LRP2: variants seen among roughly 807,000 people sequenced by gnomAD.
LRP2 encodes the protein LDL receptor related protein 2, also known as low-density lipoprotein receptor-related protein 2.
In LRP2, 172 loss-of-function variants were observed where a neutral mutation model predicts 531.0. The ratio of observed to expected loss-of-function variants is 0.32; its 90% CI spans 0.29 to 0.37. The LOEUF (loss-of-function observed/expected upper bound fraction) is 0.37, where lower values mean the gene tolerates loss of function less well. Among genes scored for constraint, LRP2 ranks in the 10% least tolerant of loss-of-function variants. LRP2 has a pLI of 1.00. For synonymous variants in LRP2, 1,992 were observed against 2,027.6 expected, an observed-to-expected ratio of 0.98 and a Z score of 0.47; for missense variants, 5,167 against 5,868.3, an observed-to-expected ratio of 0.88 and a Z score of 3.90.
chr2:169,150,719 G>A (rs900390171), intron 68 of LRP2, among the ~76,000 whole-genome samples, 179 bp downstream of exon 68: 1 of 152,166 alleles, frequency 6.6e-6, no homozygotes, highest in Non-Finnish European at 1.5e-5. Context: ...ATCAGAAATG[G>A]TTGGTTCTAT....
chr2:169,230,853 A>C (rs147830102), intron 31 of LRP2, among the ~76,000 whole-genome samples: 77 of 152,338 alleles, frequency 5.1e-4, no homozygotes, highest in African/African-American at 1.7e-3. Context: ...GGATGAGATA[A>C]ATATTAAATT....
At chr2:169,304,651 C>T (rs1241867591) in intron 4 of LRP2, among the ~76,000 whole-genome samples, 2 of 152,142 alleles carry the variant, frequency 1.3e-5, no homozygotes, top group Non-Finnish European at 2.9e-5. Context: ...CACACGCTAC[C>T]ATCTCTAAAC....
chr2:169,284,352 C>T (rs139562871), intron 9 of LRP2, among the ~76,000 whole-genome samples: 1 of 147,276 alleles, frequency 6.8e-6, no homozygotes, highest in Non-Finnish European at 1.5e-5. Flanking sequence ...GCAACCTCCG[C>T]CTCCCGGGTT....
intron 52 of LRP2, among the ~76,000 whole-genome samples, chr2:169,181,025 A>T (rs1409140958): frequency 6.6e-6 from 1 of 152,248 alleles, no homozygotes; most frequent in Non-Finnish European, 1.5e-5. Context: ...AATGTGCCAA[A>T]GTATTTTAGG....
intron 1 of LRP2, among the ~76,000 whole-genome samples, chr2:169,360,349 GT>G (rs1451357011): frequency 1.8e-4 from 27 of 152,068 alleles, no homozygotes; most frequent in Non-Finnish European, 3.5e-4. Context: ...GATTAATTGA[GT>G]CAATAAGTAT....
intron 38 of LRP2, among the ~76,000 whole-genome samples, chr2:169,209,239 G>T (rs1022555598): frequency 1.4e-4 from 21 of 152,246 alleles, no homozygotes; most frequent in African/African-American, 4.8e-4. Context: ...AGAAGAAAAT[G>T]ATAAGGATTA....
At chr2:169,338,360 G>GAAAGAAAGAAAGAA (rs1685468073) in intron 1 of LRP2, among the ~76,000 whole-genome samples, 3 of 18,984 alleles carry the variant, frequency 1.6e-4, no homozygotes, top group African/African-American at 8.0e-4. Context: ...AAGAAAGAAG[G>GAAAGAAAGAAAGAA]AAAGAAAGAA....
At chr2:169,257,275 G>A in intron 17 of LRP2, 26 bp from the exon 18 acceptor site, 2 of 1,610,316 alleles carry the variant, frequency 1.2e-6, no homozygotes, top group Non-Finnish European at 1.7e-6. Context: ...GTAAATTAAG[G>A]CTGTTAACAC....
At position 169,182,177 on chromosome 2, in the gene LRP2, G is replaced by A. The variant is rs1559000550; in HGVS notation, c.9988C>T (p.Pro3330Ser). 1.2e-6 allele frequency: 2 copies of A among 1,614,112 alleles called. No individual in the cohort carries two copies. The highest frequency in any genetic ancestry group is 1.7e-5 in the Admixed American group (1 of 60,024). Reference protein sequence around the residue: ...FDNPRGLALHPQYGYLYWADW... With the variant: ...FDNPRGLALHSQYGYLYWADW... ...GCAGGGAGACAATACCCATATTGAG[G>A]GTGAAGGGCAAGTCCTCTGGGATTA... The change falls in exon 51 of 79, where the codon CCT becomes TCT. Residue 3330 changes from proline to serine, a missense_variant. Physicochemically the swap from Pro to Ser is moderately conservative, Grantham distance 74. This residue lies in a region of LRP2 where 1,129 missense variants were observed against 1,362.7 expected (regional missense o/e 0.83). Transcript: ENST00000649046.
intron 41 of LRP2, among the ~76,000 whole-genome samples, chr2:169,204,733 GA>G (rs777564556): frequency 3.0e-4 from 46 of 152,260 alleles, no homozygotes; most frequent in Non-Finnish European, 4.1e-4. Context: ...GGAGAATAAA[GA>G]AAAGATCAGG....
chr2:169,277,857 T>C lies in LRP2; in HGVS notation c.1660A>G (p.Thr554Ala). Residue 554 changes from threonine to alanine, a missense_variant, in exon 13 of 79, where the codon ACA (threonine) becomes GCA (alanine). Around this residue, in one of 6 missense-constraint regions of LRP2, gnomAD observed 2,811 missense variants for 3,058.0 expected, o/e 0.92. Transcript: ENST00000649046. ...ACCCCAGCAGGCCATCCCAGCTTTG[T>C]TTTCACCAAGTCTTTACGGTTGCTG... ...DGSNRKDLVK[T>A]KLGWPAGVTL... 6.2e-7 allele frequency: 1 copy of C among 1,614,146 alleles called. No homozygotes were observed. Among genetic ancestry groups the C allele is most frequent in the Non-Finnish European group, 8.5e-7 (1 of 1,180,014 alleles).
chr2:169,247,091 C>T, intron 20 of LRP2, 105 bp from the exon 21 acceptor site: 1 of 1,324,918 alleles, frequency 7.5e-7, no homozygotes, highest in South Asian at 1.3e-5. Flanking sequence ...ATTTTTCAGA[C>T]CCAATACTAA....
In LRP2 at chr2:169,239,554, T is replaced by G. The variant is rs1689729910; in HGVS notation, c.4267A>C (p.Ser1423Arg). The G allele has an allele frequency of 6.2e-7, 1 of 1,613,966 alleles. No individual in the cohort carries two copies. The highest frequency in any genetic ancestry group is 8.5e-7 in the Non-Finnish European group (1 of 1,179,946). The change falls in exon 26 of 79, where the codon AGT becomes CGT. Residue 1423 changes from serine (S) to arginine (R), a missense_variant. Ser to Arg is a moderately radical substitution (Grantham distance 110). Transcript: ENST00000649046. ...CSCDTGYMLESDGRTCKVTAS... is the reference protein window; with the variant it reads ...CSCDTGYMLERDGRTCKVTAS... Reference sequence around the variant, plus strand: ...GTAACTTTGCAAGTCCTCCCATCACTTTCTAACATGTAGCCTGTATCACAC... The same window carrying G: ...GTAACTTTGCAAGTCCTCCCATCACGTTCTAACATGTAGCCTGTATCACAC...
intron 6 of LRP2, 80 bp downstream of exon 6, chr2:169,294,068 C>G: frequency 2.1e-6 from 2 of 941,372 alleles, no homozygotes; most frequent in South Asian, 1.3e-5. Flanking sequence ...GGTGGGGGAG[C>G]GGGGGGATAA....
intron 56 of LRP2, 71 bp downstream of exon 56, chr2:169,173,848 C>T (rs1687087488): frequency 6.2e-7 from 1 of 1,600,572 alleles, no homozygotes; most frequent in East Asian, 2.2e-5. Context: ...CATGTCCTCT[C>T]TCAGTCCCCA....
intron 4 of LRP2, among the ~76,000 whole-genome samples, chr2:169,298,523 G>A (rs574602520): frequency 3.3e-5 from 5 of 152,054 alleles, no homozygotes; most frequent in African/African-American, 9.6e-5. Flanking sequence ...ACAGGAAGAA[G>A]CGAAAAATTA....
At chr2:169,338,269 GAA>G (rs1259024240) in intron 1 of LRP2, among the ~76,000 whole-genome samples, 2 of 134,266 alleles carry the variant, frequency 1.5e-5, no homozygotes, top group Non-Finnish European at 3.2e-5. Flanking sequence ...AACAAAGAAA[GAA>G]AGAGAAAGAA....
At chr2:169,312,122 A>G (rs1559070081) in intron 3 of LRP2, among the ~76,000 whole-genome samples, 1 of 152,052 alleles carries the variant, frequency 6.6e-6, no homozygotes. Context: ...GGTTTCCTGA[A>G]TACAGCACAC....
chr2:169,246,483 A>C (rs1470747244), intron 21 of LRP2, among the ~76,000 whole-genome samples: 1 of 152,208 alleles, frequency 6.6e-6, no homozygotes, highest in Non-Finnish European at 1.5e-5. Context: ...TCAAGGAAAA[A>C]AATTGTTGAA....
Sources: allele counts gnomAD v4.1 joint callset (sites outside exome capture counted in the v4.1 genomes callset), GRCh38; gene constraint gnomAD v4.1.1; regional missense constraint gnomAD v4.1.1; transcripts MANE v1.5; gene names NCBI Gene and HGNC (gene_info 2026-07-23, HGNC 2026-07-21).